CCN4: variants seen among roughly 807,000 people sequenced by gnomAD.
The protein encoded by CCN4 is CCN family member 4.
In CCN4, 30 loss-of-function variants were observed where a neutral mutation model predicts 36.7. That is an observed-to-expected ratio of 0.82 (90% CI 0.61 to 1.11). The LOEUF (loss-of-function observed/expected upper bound fraction) is 1.11, where lower values mean the gene tolerates loss of function less well. Ranked by LOEUF, CCN4 falls within the 50% of genes least tolerant of loss-of-function variation. The pLI, the probability that CCN4 is intolerant of heterozygous loss-of-function variation, is 0.00. For synonymous variants in CCN4, 191 were observed against 195.4 expected, an observed-to-expected ratio of 0.98 and a Z score of 0.19; for missense variants, 505 against 504.9, an observed-to-expected ratio of 1.00 and a Z score of 0.00.
intron 3 of CCN4, among the ~76,000 whole-genome samples, chr8:133,222,681 G>A (rs1252201777): frequency 2.0e-5 from 3 of 151,622 alleles, no homozygotes. Flanking sequence ...AAAACCAGGA[G>A]CATCTGATGC....
chr8:133,197,589 G>A (rs933339969), intron 1 of CCN4, among the ~76,000 whole-genome samples: 2 of 152,086 alleles, frequency 1.3e-5, no homozygotes, highest in Admixed American at 6.5e-5. Flanking sequence ...ATGAAAGAAG[G>A]AAGAGAGACA....
chr8:133,212,120 G>GA (rs1854065954), intron 1 of CCN4, among the ~76,000 whole-genome samples: 1 of 152,158 alleles, frequency 6.6e-6, no homozygotes, highest in Non-Finnish European at 1.5e-5. Context: ...GGATGCTGGG[G>GA]AGGAGTGCGG....
At chr8:133,193,499 T>A (rs1853189654) in intron 1 of CCN4, among the ~76,000 whole-genome samples, 1 of 152,218 alleles carries the variant, frequency 6.6e-6, no homozygotes, top group Non-Finnish European at 1.5e-5. Flanking sequence ...TATGCTTTCA[T>A]CTCTTTATTC....
At position 133,212,976 on chromosome 8, in the gene CCN4, G is replaced by A. The variant is rs1854115997; in HGVS notation, c.182G>A (p.Arg61His). Residue 61 changes from arginine (R) to histidine (H), a missense_variant, in exon 2 of 5, where the codon CGC (arginine) becomes CAC (histidine). Physicochemically the swap from Arg to His is conservative, Grantham distance 29. Transcript: ENST00000250160. The part of the protein sequence containing the change: ...WPCECPPSPP[R>H]CPLGVSLITD... Reference sequence around the variant, plus strand: ...TGTGAGTGCCCGCCATCCCCACCCCGCTGCCCGCTGGGGGTCAGCCTCATC... The same window carrying A: ...TGTGAGTGCCCGCCATCCCCACCCCACTGCCCGCTGGGGGTCAGCCTCATC... 46 of 1,613,988 alleles carry A rather than the reference G, an allele frequency of 2.9e-5. No individual in the cohort carries two copies. Among genetic ancestry groups the A allele is most frequent in the Non-Finnish European group, 3.8e-5 (45 of 1,179,976 alleles).
At chr8:133,206,518 A>G (rs1853779010) in intron 1 of CCN4, among the ~76,000 whole-genome samples, 1 of 152,186 alleles carries the variant, frequency 6.6e-6, no homozygotes. Context: ...AGAACCATTC[A>G]GTGAAAAGAG....
intron 1 of CCN4, among the ~76,000 whole-genome samples, chr8:133,196,160 C>G (rs1309171562): frequency 2.0e-5 from 3 of 152,194 alleles, no homozygotes; most frequent in Non-Finnish European, 4.4e-5. Context: ...GAGCATGTGC[C>G]CACTCTACTC....
intron 4 of CCN4, among the ~76,000 whole-genome samples, chr8:133,226,481 CCT>C (rs1444979514): frequency 6.6e-6 from 1 of 152,168 alleles, no homozygotes; most frequent in East Asian, 1.9e-4. Flanking sequence ...CTTTCTTCTT[CCT>C]CTCTGATTAT....
chr8:133,230,242 AT>A lies in CCN4; in HGVS notation c.*2535del, dbSNP rs1171100911. On this transcript the variant is annotated 3_prime_UTR_variant, in exon 5 of 5. Transcript: ENST00000250160. Reference sequence around the variant, plus strand: ...ATGGGTTGAAGCCATGGAGAAGGAAATTTGGATCCAATGTAATGAAGCGCTT... The same window carrying A: ...ATGGGTTGAAGCCATGGAGAAGGAAATTGGATCCAATGTAATGAAGCGCTT... The A allele has an allele frequency of 6.6e-6, 1 of 152,250 alleles. No individual in the cohort carries two copies. Among genetic ancestry groups the A allele is most frequent in the Non-Finnish European group, 1.5e-5 (1 of 68,044 alleles). 9.4% of individuals were successfully genotyped at this position (152,250 alleles called of 1,614,324 possible).
chr8:133,191,204 C>T lies in CCN4; in HGVS notation c.60C>T (p.Val20=). Residue 20 remains valine (V), a synonymous_variant, in exon 1 of 5, where the codon GTC becomes GTT. Transcript: ENST00000250160. ...AAVTAAAAST[V]LATALSPAPT... is the part of the protein sequence containing the mutation. ...TGACAGCAGCAGCCGCCAGCACCGT[C>T]CTGGCCACGGTGAGTCCTGCCTGGA... The T allele has an allele frequency of 6.2e-7, 1 of 1,606,194 alleles. No individual in the cohort carries two copies. Among genetic ancestry groups the T allele is most frequent in the Non-Finnish European group, 8.5e-7 (1 of 1,179,722 alleles).
At chr8:133,226,801 C>A (rs905485241) in intron 4 of CCN4, among the ~76,000 whole-genome samples, 1 of 152,152 alleles carries the variant, frequency 6.6e-6, no homozygotes, top group African/African-American at 2.4e-5. Context: ...ACCCTGAGAA[C>A]CCTCAATCCA....
chr8:133,211,537 C>T (rs1028771152), intron 1 of CCN4, among the ~76,000 whole-genome samples: 1 of 152,188 alleles, frequency 6.6e-6, no homozygotes, highest in Non-Finnish European at 1.5e-5. Context: ...TTGCCTTCCT[C>T]CCCTGTAAAG....
intron 1 of CCN4, among the ~76,000 whole-genome samples, chr8:133,209,393 G>T (rs1038479858): frequency 6.6e-6 from 1 of 152,224 alleles, no homozygotes. Context: ...CCCCTGCACA[G>T]ATCTTGTCCA....
chr8:133,223,386 T>C (rs1037532235), intron 3 of CCN4, among the ~76,000 whole-genome samples: 1 of 152,178 alleles, frequency 6.6e-6, no homozygotes, highest in Non-Finnish European at 1.5e-5. Context: ...CTCCAGCTCC[T>C]GTCAGCCCTG....
Position 133,212,898 on chromosome 8 carries a change from C to A in CCN4, c.104C>A (p.Thr35Asn). Residue 35 changes from threonine (T) to asparagine (N), a missense_variant, in exon 2 of 5, where the codon ACC becomes AAC. Thr to Asn is a moderately conservative substitution (Grantham distance 65). Coordinates refer to ENST00000250160, the MANE Select transcript of CCN4 (RefSeq NM_003882.4). ...CCAGCCCCTACGACCATGGACTTTACCCCAGCTCCACTGGAGGACACCTCC... is the reference window on the plus strand; with the variant it reads ...CCAGCCCCTACGACCATGGACTTTAACCCAGCTCCACTGGAGGACACCTCC... Reference protein sequence around the residue: ...LSPAPTTMDFTPAPLEDTSSR... With the variant: ...LSPAPTTMDFNPAPLEDTSSR... 6.2e-7 allele frequency: 1 copy of A among 1,609,356 alleles called. No individual in the cohort carries two copies. Among genetic ancestry groups the A allele is most frequent in the African/African-American group, 1.3e-5 (1 of 74,900 alleles).
At chr8:133,203,475 G>A (rs979038665) in intron 1 of CCN4, among the ~76,000 whole-genome samples, 1 of 152,152 alleles carries the variant, frequency 6.6e-6, no homozygotes, top group Non-Finnish European at 1.5e-5. Flanking sequence ...TTCCAGCTGC[G>A]AGATCTTGAG....
At chr8:133,205,510 T>A (rs537027768) in intron 1 of CCN4, among the ~76,000 whole-genome samples, 1 of 152,296 alleles carries the variant, frequency 6.6e-6, no homozygotes, top group Non-Finnish European at 1.5e-5. Flanking sequence ...TTTGCAAAGA[T>A]CATTTTCTCC....
intron 1 of CCN4, among the ~76,000 whole-genome samples, chr8:133,201,967 A>G (rs1240994976): frequency 6.6e-6 from 1 of 152,236 alleles, no homozygotes; most frequent in Non-Finnish European, 1.5e-5. Flanking sequence ...GGTTCGTTAT[A>G]TTATTCTCTC....
At chr8:133,195,008 G>T (rs891741912) in intron 1 of CCN4, among the ~76,000 whole-genome samples, 2 of 147,988 alleles carry the variant, frequency 1.4e-5, no homozygotes, top group Non-Finnish European at 3.0e-5. Context: ...TGTGTGTGTT[G>T]TGTGTGTGGT....
chr8:133,218,542 G>T (rs1236209270), intron 2 of CCN4, among the ~76,000 whole-genome samples: 12 of 152,204 alleles, frequency 7.9e-5, no homozygotes, highest in Admixed American at 7.9e-4. Context: ...AGGAGACCCA[G>T]TATCCAATAA....
Sources: gnomAD v4.1 joint callset for allele counts (sites outside exome capture counted in the v4.1 genomes callset) on GRCh38, gnomAD v4.1.1 for gene constraint, MANE v1.5 for transcripts, NCBI Gene and HGNC (gene_info 2026-07-23, HGNC 2026-07-21) for gene names.